Variants in RAD54B observed in about 807,000 individuals in gnomAD.
RAD54B encodes the protein DNA repair and recombination protein RAD54B.
RAD54B carries 78 observed loss-of-function variants against 95.8 expected under a neutral mutation model. The ratio of observed to expected loss-of-function variants is 0.81; its 90% confidence interval spans 0.68 to 0.98. The LOEUF is 0.98. Among genes scored for constraint, RAD54B ranks in the 50% least tolerant of loss-of-function variants. The pLI, the probability that RAD54B is intolerant of heterozygous loss-of-function variation, is 0.00. For missense variants in RAD54B, 957 were observed against 1,056.6 expected (o/e 0.91, Z 1.31); for synonymous variants, 328 against 354.9 (o/e 0.92, Z 0.85).
intron 6 of RAD54B, 117 bp downstream of exon 6, chr8:94,403,960 G>C: frequency 1.2e-6 from 1 of 824,932 alleles, no homozygotes; most frequent in Admixed American, 3.6e-5. Flanking sequence ...CCTACCAATT[G>C]AAATTCATAG....
chr8:94,441,196 T>C (rs533362483), intron 3 of RAD54B, among the ~76,000 whole-genome samples: 12 of 152,288 alleles, frequency 7.9e-5, no homozygotes, highest in African/African-American at 2.6e-4. Flanking sequence ...GAACAGAAAT[T>C]GTGCACTCAG....
At chr8:94,431,947 GCCAA>G in intron 3 of RAD54B, 1 of 1,271,200 alleles carries the variant, frequency 7.9e-7, no homozygotes, top group South Asian at 2.6e-5. Context: ...CTATAACCAT[GCCAA>G]CCAACCAGTA....
intron 5 of RAD54B, among the ~76,000 whole-genome samples, chr8:94,406,139 A>T (rs1257676540): frequency 6.6e-6 from 1 of 152,086 alleles, no homozygotes; most frequent in African/African-American, 2.4e-5. Context: ...TATTTCCTGG[A>T]AAGAGTATAT....
chr8:94,459,106 G>A (rs1235364501), intron 2 of RAD54B, among the ~76,000 whole-genome samples: 1 of 151,600 alleles, frequency 6.6e-6, no homozygotes, highest in African/African-American at 2.4e-5. Flanking sequence ...AATATTTTTA[G>A]GTGAGATAAT....
chr8:94,456,235 G>A (rs913196247), intron 3 of RAD54B, among the ~76,000 whole-genome samples: 13 of 152,226 alleles, frequency 8.5e-5, no homozygotes, highest in East Asian at 3.9e-4. Flanking sequence ...CTGTAAACAC[G>A]CAGTGTTATG....
chr8:94,419,076 A>G (rs1811739916), intron 3 of RAD54B, among the ~76,000 whole-genome samples: 1 of 152,260 alleles, frequency 6.6e-6, no homozygotes, highest in Non-Finnish European at 1.5e-5. Context: ...TCATATCTTT[A>G]AAGTTTTAAT....
Position 94,393,754 on chromosome 8 carries a change from AAG to A in RAD54B, c.1505_1506del (p.Pro502LeufsTer4), listed in dbSNP as rs1811075700. The A allele has an allele frequency of 6.3e-7, 1 of 1,578,274 alleles. No homozygotes were observed. Among genetic ancestry groups the A allele is most frequent in the African/African-American group, 1.4e-5 (1 of 73,762 alleles). ...AGAGTAAATTATACCTCAGAAGCAG[AAG>A]GTTCTCTCGATAAAATGATGGGTTC... Reference protein sequence around the residue: ...YEEPIILSREPSASEEEKELG... With the variant: ...YEEPIILSREXSASEEEKELG... On this transcript the variant is annotated frameshift_variant, in exon 9 of 15. Transcript: ENST00000336148. LOFTEE classifies it high-confidence loss of function.
intron 3 of RAD54B, among the ~76,000 whole-genome samples, chr8:94,418,042 C>T (rs1220596402): frequency 1.3e-5 from 2 of 152,214 alleles, no homozygotes; most frequent in Non-Finnish European, 2.9e-5. Context: ...GTTTTCTGAC[C>T]TTCCTTCCCT....
chr8:94,382,398 G>T (rs947750341), intron 11 of RAD54B, among the ~76,000 whole-genome samples: 1 of 152,158 alleles, frequency 6.6e-6, no homozygotes, highest in Non-Finnish European at 1.5e-5. Context: ...AATTCTAGGG[G>T]AATACTATTT....
intron 9 of RAD54B, among the ~76,000 whole-genome samples, chr8:94,392,641 G>A (rs146377345): frequency 0.018 from 2,743 of 149,236 alleles, 71 homozygotes; most frequent in African/African-American, 0.063. Context: ...CTGTCGCCCA[G>A]GGCTGGAGTG....
chr8:94,438,173 T>C (rs1812315345), intron 3 of RAD54B, among the ~76,000 whole-genome samples: 3 of 152,206 alleles, frequency 2.0e-5, no homozygotes, highest in Admixed American at 2.0e-4. Flanking sequence ...TGCTATAAAT[T>C]CTCAATTATC....
At chr8:94,432,421 T>C (rs1563655104) in intron 3 of RAD54B, 1 of 1,550,454 alleles carries the variant, frequency 6.4e-7, no homozygotes, top group Non-Finnish European at 8.7e-7. Flanking sequence ...GGAGACGATG[T>C]CATTCTCATA....
In RAD54B at chr8:94,399,623, T is replaced by C. The variant is rs368187559; in HGVS notation, c.1171-2A>G. The C allele has an allele frequency of 1.3e-5, 21 of 1,596,170 alleles. No homozygotes were observed. The highest frequency in any genetic ancestry group is 2.7e-5 in the African/African-American group (2 of 73,732). On this transcript the variant is annotated splice_acceptor_variant, in intron 7 of 14. Coordinates refer to ENST00000336148, the MANE Select transcript of RAD54B (RefSeq NM_012415.3). LOFTEE classifies it high-confidence loss of function. The stretch of plus-strand genomic sequence containing the variant: ...GATGAATTCTTCAACTTTGTGGTCC[T>C]GAGGAAAAAAGATAGTATTTTAAAA...
intron 3 of RAD54B, among the ~76,000 whole-genome samples, chr8:94,426,015 T>C (rs1279063913): frequency 6.6e-6 from 1 of 152,132 alleles, no homozygotes; most frequent in Non-Finnish European, 1.5e-5. Flanking sequence ...TACAGTGGCG[T>C]CATCAGGGCT....
At chr8:94,390,398 G>GCC (rs1029685458) in intron 10 of RAD54B, among the ~76,000 whole-genome samples, 2 of 151,322 alleles carry the variant, frequency 1.3e-5, no homozygotes, top group African/African-American at 4.8e-5. Flanking sequence ...TACTCGGGAG[G>GCC]CTGAGGCAGG....
At chr8:94,383,279 C>A (rs1810787647) in intron 11 of RAD54B, among the ~76,000 whole-genome samples, 1 of 110,028 alleles carries the variant, frequency 9.1e-6, no homozygotes, top group Non-Finnish European at 1.8e-5. Flanking sequence ...AGCAAGACTC[C>A]ATCTCAAAAA....
rs1811640319 is a variant in RAD54B at position 94,415,475 on chromosome 8, A to G, written c.305-4160T>C. 2.0e-5 allele frequency among the ~76,000 whole-genome samples: 3 copies of G among 149,686 alleles called. No homozygotes were observed. The South Asian group carries it at 6.5e-4, about 33-fold the overall frequency. ...GGCATGGGCAAGGACTTCATGTCTA[A>G]AACACCAAAAGCAATGGCAACAAAA... On this transcript the variant is annotated intron_variant, in intron 3 of 14. Transcript: ENST00000336148.
chr8:94,422,617 A>AAAAAT (rs1554606249), intron 3 of RAD54B, among the ~76,000 whole-genome samples: 21 of 43,568 alleles, frequency 4.8e-4, no homozygotes, highest in Non-Finnish European at 6.3e-4. Flanking sequence ...AAAAAAAAAA[A>AAAAAT]ATATATATAT....
chr8:94,453,130 G>A (rs1812705168), intron 3 of RAD54B, among the ~76,000 whole-genome samples: 1 of 152,072 alleles, frequency 6.6e-6, no homozygotes. Context: ...ATTTATTGTA[G>A]CTCTATTTGT....
Sources: allele counts gnomAD v4.1 joint callset (sites outside exome capture counted in the v4.1 genomes callset), GRCh38; gene constraint gnomAD v4.1.1; transcripts MANE v1.5; gene names NCBI Gene and HGNC (gene_info 2026-07-23, HGNC 2026-07-21).